The following LOC128092252 variants were observed in gnomAD, a reference collection of about 807,000 sequenced individuals.
At chr15:50,654,065 G>GA in the LOC128092252 span, among the ~76,000 whole-genome samples, 1 of 152,106 alleles carries the variant, frequency 6.6e-6, no homozygotes, top group Non-Finnish European at 1.5e-5. Context: ...ATGGACAAAA[G>GA]AATCTATCAA....
the LOC128092252 span, among the ~76,000 whole-genome samples, chr15:50,675,085 G>A: frequency 2.0e-5 from 3 of 152,194 alleles, no homozygotes; most frequent in Non-Finnish European, 4.4e-5. Flanking sequence ...GCTCATGCCT[G>A]TTATCCCAAC....
the LOC128092252 span, among the ~76,000 whole-genome samples, chr15:50,664,127 G>A: frequency 6.6e-6 from 1 of 151,738 alleles, no homozygotes; most frequent in Admixed American, 6.6e-5. Flanking sequence ...GTAAAACCCC[G>A]TCTCTACTAA....
the LOC128092252 span, chr15:50,686,473 C>T: frequency 1.3e-4 from 213 of 1,614,136 alleles, no homozygotes; most frequent in African/African-American, 2.6e-3. Flanking sequence ...CCAAGTCTCT[C>T]CTTTACCGCC....
At chr15:50,651,513 CTTG>C in the LOC128092252 span, among the ~76,000 whole-genome samples, 1 of 151,726 alleles carries the variant, frequency 6.6e-6, no homozygotes, top group African/African-American at 2.4e-5. Flanking sequence ...AAAGACCATG[CTTG>C]TTGGGCACGG....
At chr15:50,686,280 C>T in the LOC128092252 span, among the ~76,000 whole-genome samples, 2 of 152,206 alleles carry the variant, frequency 1.3e-5, no homozygotes, top group African/African-American at 4.8e-5. Context: ...GAGGCCCTCG[C>T]TGGGAGCCGA....
At chr15:50,679,361 G>A in the LOC128092252 span, among the ~76,000 whole-genome samples, 58 of 149,650 alleles carry the variant, frequency 3.9e-4, 1 homozygote, top group Middle Eastern at 0.01. Flanking sequence ...AAACTTGGAC[G>A]CTTGGACGTT....
chr15:50,671,660 A>G, the LOC128092252 span, among the ~76,000 whole-genome samples: 1 of 152,072 alleles, frequency 6.6e-6, no homozygotes, highest in African/African-American at 2.4e-5. Flanking sequence ...GTTTTTTTTA[A>G]TTAGCCAAGC....
At chr15:50,664,338 T>A in the LOC128092252 span, among the ~76,000 whole-genome samples, 2 of 148,436 alleles carry the variant, frequency 1.3e-5, no homozygotes, top group African/African-American at 2.5e-5. Context: ...AGTGATAGAT[T>A]GATAAAAAAT....
At chr15:50,679,968 T>C in the LOC128092252 span, among the ~76,000 whole-genome samples, 1 of 152,054 alleles carries the variant, frequency 6.6e-6, no homozygotes, top group Non-Finnish European at 1.5e-5. Flanking sequence ...GGGCGGTGGC[T>C]CACGCTTGTA....
chr15:50,669,128 A>T, the LOC128092252 span, among the ~76,000 whole-genome samples: 2 of 152,130 alleles, frequency 1.3e-5, no homozygotes, highest in Non-Finnish European at 2.9e-5. Flanking sequence ...GAGGGTACAA[A>T]CCCACAGCTG....
the LOC128092252 span, among the ~76,000 whole-genome samples, chr15:50,658,092 C>A: frequency 2.0e-5 from 3 of 151,424 alleles, no homozygotes; most frequent in Non-Finnish European, 4.4e-5. Context: ...GCAAGCTCCG[C>A]CTCCCGGGTT....
the LOC128092252 span, among the ~76,000 whole-genome samples, chr15:50,669,338 A>G: frequency 6.6e-6 from 1 of 152,072 alleles, no homozygotes; most frequent in African/African-American, 2.4e-5. Context: ...AGGAAGCTGA[A>G]GCAGCAGAAC....
At chr15:50,660,993 G>A in the LOC128092252 span, among the ~76,000 whole-genome samples, 1 of 129,378 alleles carries the variant, frequency 7.7e-6, no homozygotes. Context: ...TTTTTTTTTT[G>A]AGACAGAGTT....
chr15:50,666,484 G>A, the LOC128092252 span, among the ~76,000 whole-genome samples: 1 of 151,290 alleles, frequency 6.6e-6, no homozygotes, highest in African/African-American at 2.4e-5. Context: ...GGAAGAAGAG[G>A]AAGAAGAAAA....
the LOC128092252 span, among the ~76,000 whole-genome samples, chr15:50,651,252 TA>T: frequency 2.0e-5 from 3 of 152,098 alleles, no homozygotes; most frequent in Admixed American, 6.6e-5. Context: ...AAACTATCAA[TA>T]AAATAAAATC....
chr15:50,672,992 T>C, the LOC128092252 span, among the ~76,000 whole-genome samples: 1 of 151,624 alleles, frequency 6.6e-6, no homozygotes, highest in African/African-American at 2.4e-5. Flanking sequence ...ATACGAAGTG[T>C]TATTACAAGA....
At chr15:50,660,007 C>T in the LOC128092252 span, among the ~76,000 whole-genome samples, 12 of 152,042 alleles carry the variant, frequency 7.9e-5, no homozygotes, top group East Asian at 1.9e-4. Context: ...TCAATTTCTC[C>T]GGAAGAAAAA....
At chr15:50,683,243 A>C in the LOC128092252 span, among the ~76,000 whole-genome samples, 3 of 152,026 alleles carry the variant, frequency 2.0e-5, no homozygotes, top group African/African-American at 7.2e-5. Flanking sequence ...TAAAAAAAAA[A>C]AACTGCAATT....
At chr15:50,679,531 T>TA in the LOC128092252 span, among the ~76,000 whole-genome samples, 4 of 53,362 alleles carry the variant, frequency 7.5e-5, no homozygotes, top group African/African-American at 3.1e-4. Context: ...TATATATATA[T>TA]ATATATATTT....
Sources: allele counts gnomAD v4.1 joint callset (sites outside exome capture counted in the v4.1 genomes callset), GRCh38; gene constraint gnomAD v4.1.1; transcripts MANE v1.5.